The following MICAL3 variants were observed in gnomAD, a reference collection of about 807,000 sequenced individuals.
The protein encoded by MICAL3 is microtubule associated monooxygenase, calponin and LIM domain containing 3.
A neutral mutation model predicts 207.4 loss-of-function variants in MICAL3; 62 were observed. That is an observed-to-expected ratio of 0.30 (90% CI 0.24 to 0.37). MICAL3 has a LOEUF of 0.37. Ranked by LOEUF, MICAL3 falls within the 10% of genes least tolerant of loss-of-function variation. MICAL3 has a pLI of 1.00. For missense variants in MICAL3, 2,368 were observed against 2,635.6 expected, an observed-to-expected ratio of 0.90 and a Z score of 2.22; for synonymous variants, 1,077 against 1,069.3, an observed-to-expected ratio of 1.01 and a Z score of -0.14.
At position 17,929,176 on chromosome 22, in the gene MICAL3, G is replaced by A. The variant is rs376472745; in HGVS notation, c.-74-22290C>T. ...TGTAGTGATGCCATCATAGCTCACC[G>A]TAACCTCAAACTCCTGGGTCAAACA... On this transcript the variant is annotated intron_variant, in intron 1 of 31. Coordinates refer to ENST00000441493, the MANE Select transcript of MICAL3 (RefSeq NM_015241.3). Among the ~76,000 whole-genome samples the A allele has an allele frequency of 5.2e-4, 76 of 147,348 alleles. 1 individual carries two copies. The highest frequency in any genetic ancestry group is 1.7e-3 in the African/African-American group (68 of 39,650).
At chr22:17,967,138 G>T (rs1260520369) in intron 1 of MICAL3, among the ~76,000 whole-genome samples, 2 of 152,154 alleles carry the variant, frequency 1.3e-5, no homozygotes, top group Non-Finnish European at 2.9e-5. Flanking sequence ...GAACACCTGT[G>T]GCACAGATGC....
intron 1 of MICAL3, among the ~76,000 whole-genome samples, chr22:17,971,917 G>A (rs961621680): frequency 2.0e-5 from 3 of 152,232 alleles, no homozygotes; most frequent in Admixed American, 6.5e-5. Flanking sequence ...GGCCTTCCAG[G>A]ACCACCGGCC....
In MICAL3 at chr22:17,893,854, C is replaced by T; in HGVS notation, c.1500G>A (p.Met500Ile). The T allele has an allele frequency of 1.3e-6, 2 of 1,576,174 alleles. No individual in the cohort carries two copies. The highest frequency in any genetic ancestry group is 1.7e-6 in the Non-Finnish European group (2 of 1,159,398). ...TGGTTCGGGAATTCACCAGGCTCTC[C>T]ATTTCCAGGTGAATATCTTTTGTTT... is the stretch of plus-strand genomic sequence containing the variant. Reference protein sequence around the residue: ...TGETKDIHLEMESLVNSRTTP... With the variant: ...TGETKDIHLEIESLVNSRTTP... The change falls in exon 11 of 32, where the codon ATG becomes ATA. Residue 500 changes from methionine (M) to isoleucine (I), a missense_variant. This residue lies in a region of MICAL3 where 147 missense variants were observed against 137.7 expected (regional missense o/e 1.07). Coordinates refer to ENST00000441493, the MANE Select transcript of MICAL3 (RefSeq NM_015241.3).
chr22:17,957,777 A>C (rs1934703345), intron 1 of MICAL3, among the ~76,000 whole-genome samples: 1 of 151,948 alleles, frequency 6.6e-6, no homozygotes, highest in Non-Finnish European at 1.5e-5. Context: ...AAAGAACGAA[A>C]GAAAGAAACT....
At chr22:17,903,368 G>A (rs1931471103) in intron 3 of MICAL3, among the ~76,000 whole-genome samples, 1 of 152,188 alleles carries the variant, frequency 6.6e-6, no homozygotes, top group Non-Finnish European at 1.5e-5. Flanking sequence ...CGACGTCCAT[G>A]AGCACCTGCA....
chr22:17,817,337 T>G lies in MICAL3; in HGVS notation c.5324A>C (p.His1775Pro). ...SSGATVDSGK[H>P]RVLPVVRAEL... The stretch of plus-strand genomic sequence containing the variant: ...TGCCCTTACGACGGGAAGCACCCTG[T>G]GCTTTCCAGAGTCCACCGTGGCCCC... Residue 1775 changes from histidine to proline, a missense_variant, in exon 26 of 32, where the codon CAC (histidine) becomes CCC (proline). Physicochemically the swap from His to Pro is moderately conservative, Grantham distance 77 (BLOSUM62 -2). This residue lies in a region of MICAL3 where 1,770 missense variants were observed against 1,863.2 expected (regional missense o/e 0.95). Coordinates refer to ENST00000441493, the MANE Select transcript of MICAL3 (RefSeq NM_015241.3). The G allele has an allele frequency of 6.2e-7, 1 of 1,606,910 alleles. No homozygotes were observed. Among genetic ancestry groups the G allele is most frequent in the Non-Finnish European group, 8.5e-7 (1 of 1,177,188 alleles).
Position 17,902,772 on chromosome 22 carries a change from G to A in MICAL3, c.473-25C>T, listed in dbSNP as rs771991944. ...CCTGGGAGAATACAGAGATGACGTTGATGGGAACACATGGAGAAGGGGGTA... is the reference window on the plus strand; with the variant it reads ...CCTGGGAGAATACAGAGATGACGTTAATGGGAACACATGGAGAAGGGGGTA... On this transcript the variant is annotated intron_variant, in intron 3 of 31. Coordinates refer to ENST00000441493, the MANE Select transcript of MICAL3 (RefSeq NM_015241.3). This position sits in a 1 kb window ranked among gnomAD's most constrained non-coding sequence, Gnocchi z 4.5. 8.4e-6 allele frequency: 12 copies of A among 1,432,714 alleles called. No homozygotes were observed. In the East Asian group the frequency reaches 2.9e-4, roughly 34 times the overall value. The allele number at this position is 1,432,714 out of a possible 1,614,324, so 88.8% of individuals were successfully genotyped here. A position where few individuals can be genotyped will look rare whatever the true frequency, so the allele number is the denominator to read the frequency against.
At chr22:17,911,690 G>C (rs1365568121) in intron 1 of MICAL3, among the ~76,000 whole-genome samples, 1 of 152,170 alleles carries the variant, frequency 6.6e-6, no homozygotes, top group East Asian at 1.9e-4. Context: ...AAATTAGCTG[G>C]GTGTGGTGGC....
intron 19 of MICAL3, among the ~76,000 whole-genome samples, chr22:17,848,748 A>C (rs766842308): frequency 6.6e-6 from 1 of 152,216 alleles, no homozygotes; most frequent in Non-Finnish European, 1.5e-5. Context: ...CCTGGGTAGG[A>C]AAGATTCAGA....
intron 1 of MICAL3, among the ~76,000 whole-genome samples, chr22:17,968,041 C>CA (rs34366249): frequency 0.35 from 44,636 of 126,814 alleles, 7,408 homozygotes; most frequent in African/African-American, 0.48. Context: ...GACTCCGTCT[C>CA]AAAAAAAAAA....
Position 17,841,802 on chromosome 22 carries a change from C to T in MICAL3, c.2801+20G>A, listed in dbSNP as rs1275913197. ...TAGGGCCGTGTGGCGGGTGGGCGCC[C>T]TGCAGCCCTGCGTGCTGACCTGCTG... is the stretch of plus-strand genomic sequence containing the variant. On this transcript the variant is annotated intron_variant, in intron 20 of 31. Coordinates refer to ENST00000441493, the MANE Select transcript of MICAL3 (RefSeq NM_015241.3). This position sits in a 1 kb window ranked among gnomAD's most constrained non-coding sequence, Gnocchi z 4.2. 6.5e-7 allele frequency: 1 copy of T among 1,541,452 alleles called. No homozygotes were observed. Among genetic ancestry groups the T allele is most frequent in the Non-Finnish European group, 8.7e-7 (1 of 1,145,684 alleles).
chr22:17,936,121 G>T (rs1200752300), intron 1 of MICAL3, among the ~76,000 whole-genome samples: 1 of 152,134 alleles, frequency 6.6e-6, no homozygotes, highest in East Asian at 1.9e-4. Flanking sequence ...AAAGACACAT[G>T]CACACGCATG....
At chr22:17,890,218 C>G (rs1417482083) in intron 12 of MICAL3, among the ~76,000 whole-genome samples, 1 of 152,098 alleles carries the variant, frequency 6.6e-6, no homozygotes, top group Non-Finnish European at 1.5e-5. Context: ...TCCATTTTCT[C>G]AAACTCCTCC....
chr22:17,953,864 G>C (rs1048298076), intron 1 of MICAL3, among the ~76,000 whole-genome samples: 1 of 144,910 alleles, frequency 6.9e-6, no homozygotes, highest in Non-Finnish European at 1.5e-5. Context: ...CTAGGAGGGG[G>C]AGGTTGCAGT....
rs1928578547 is a variant in MICAL3 at position 17,876,957 on chromosome 22, G to GC, written c.2242-4935_2242-4934insG. On this transcript the variant is annotated intron_variant, in intron 16 of 31. Coordinates refer to ENST00000441493, the MANE Select transcript of MICAL3 (RefSeq NM_015241.3). ...GGTTAGGGAGGTTATGGAGGTTATGGAGGTTAGGGAGGTTATGGAGGTTAG... is the reference window on the plus strand; with the variant it reads ...GGTTAGGGAGGTTATGGAGGTTATGGCAGGTTAGGGAGGTTATGGAGGTTAG... 2.2e-5 allele frequency: 3 copies of GC among 137,264 alleles called. 1 individual carries two copies. The highest frequency in any genetic ancestry group is 9.4e-5 in the African/African-American group (3 of 31,768). The allele number at this position is 137,264 out of a possible 1,614,324, so 8.5% of individuals were successfully genotyped here.
At chr22:18,005,970 T>G (rs1191075821) in intron 1 of MICAL3, 2 of 152,220 alleles carry the variant, frequency 1.3e-5, no homozygotes, top group Admixed American at 6.5e-5. Flanking sequence ...TTAATATTGA[T>G]TAAGCAGCCT....
At chr22:17,898,107 T>TA (rs11381999) in intron 7 of MICAL3, among the ~76,000 whole-genome samples, 67,427 of 148,098 alleles carry the variant, frequency 0.46, 16,987 homozygotes, top group African/African-American at 0.7. Flanking sequence ...CCTGCCCTCT[T>TA]AAAAAAAAAA....
At chr22:17,822,375 C>T (rs1921741530) in intron 23 of MICAL3, among the ~76,000 whole-genome samples, 1 of 152,264 alleles carries the variant, frequency 6.6e-6, no homozygotes, top group Non-Finnish European at 1.5e-5. Flanking sequence ...CCTGCCTTTG[C>T]AACGCGGGGC....
intron 1 of MICAL3, among the ~76,000 whole-genome samples, chr22:17,965,098 G>A (rs1109706): frequency 0.01 from 1,565 of 150,206 alleles, 20 homozygotes; most frequent in African/African-American, 0.033. Flanking sequence ...CCATGCATCC[G>A]CTGCTCTCCT....
Sources: allele counts gnomAD v4.1 joint callset (sites outside exome capture counted in the v4.1 genomes callset), GRCh38; gene constraint gnomAD v4.1.1; regional missense constraint gnomAD v4.1.1; non-coding constraint Gnocchi (gnomAD v3.1); transcripts MANE v1.5; gene names NCBI Gene and HGNC (gene_info 2026-07-23, HGNC 2026-07-21).